CDH13: variants seen among roughly 807,000 people sequenced by gnomAD.
The protein encoded by CDH13 is cadherin-13.
In CDH13, 24 loss-of-function variants were observed where a neutral mutation model predicts 63.8. That is an observed-to-expected ratio of 0.38 (90% confidence interval 0.27 to 0.53). The LOEUF is 0.53. CDH13 is among the 20% of genes least tolerant of loss of function. The probability of loss-of-function intolerance (pLI) is 0.85; values close to 1 mark genes in which losing one functional copy is unlikely to be tolerated. For missense variants in CDH13, 1,049 were observed against 903.1 expected, an observed-to-expected ratio of 1.16 and a Z score of -2.07; for synonymous variants, 503 against 355.3, an observed-to-expected ratio of 1.42 and a Z score of -4.67.
intron 5 of CDH13, among the ~76,000 whole-genome samples, chr16:83,294,919 C>T (rs2089554470): frequency 6.6e-6 from 1 of 151,956 alleles, no homozygotes; most frequent in Admixed American, 6.6e-5. Flanking sequence ...CCATGGATAG[C>T]CAAAGTAATC....
intron 1 of CDH13, among the ~76,000 whole-genome samples, chr16:82,629,006 G>A (rs1401742175): frequency 6.6e-6 from 1 of 152,238 alleles, no homozygotes; most frequent in African/African-American, 2.4e-5. Context: ...GTGTCTGAGA[G>A]CACTTACCAT....
chr16:83,084,647 C>T (rs1024253314), intron 3 of CDH13, among the ~76,000 whole-genome samples: 6 of 152,090 alleles, frequency 3.9e-5, no homozygotes, highest in African/African-American at 9.7e-5. Context: ...CCAACACATC[C>T]GGAGGCTGAG....
chr16:83,699,150 GC>G (rs1244153080), intron 10 of CDH13, among the ~76,000 whole-genome samples: 1 of 152,198 alleles, frequency 6.6e-6, no homozygotes, highest in Non-Finnish European at 1.5e-5. Flanking sequence ...ATAAGACATG[GC>G]CCCCAAAGCA....
At chr16:82,862,315 G>T (rs954077821) in intron 2 of CDH13, among the ~76,000 whole-genome samples, 1 of 152,116 alleles carries the variant, frequency 6.6e-6, no homozygotes, top group Non-Finnish European at 1.5e-5. Context: ...AGCTGGGATG[G>T]GAAGATCCCA....
chr16:83,338,540 T>A (rs184048718), intron 5 of CDH13, among the ~76,000 whole-genome samples: 103 of 152,364 alleles, frequency 6.8e-4, no homozygotes, highest in African/African-American at 2.3e-3. Context: ...GTAAATTGAA[T>A]TATCACACCA....
intron 1 of CDH13, among the ~76,000 whole-genome samples, chr16:82,811,565 G>C (rs1026570440): frequency 1.7e-4 from 26 of 152,050 alleles, no homozygotes; most frequent in African/African-American, 6.0e-4. Context: ...TTCGTTAGAG[G>C]GTAATGAAAA....
intron 2 of CDH13, among the ~76,000 whole-genome samples, chr16:82,977,386 C>T (rs1909663300): frequency 6.6e-6 from 1 of 152,164 alleles, no homozygotes. Context: ...TTGGCTGTGT[C>T]CCCACCCAAA....
intron 1 of CDH13, among the ~76,000 whole-genome samples, chr16:82,697,011 G>T (rs2030382091): frequency 6.6e-6 from 1 of 152,150 alleles, no homozygotes; most frequent in African/African-American, 2.4e-5. Context: ...TTTCTCCTGT[G>T]TGAAATATCC....
chr16:82,959,711 G>C (rs1381962909), intron 2 of CDH13, among the ~76,000 whole-genome samples: 2 of 152,198 alleles, frequency 1.3e-5, no homozygotes, highest in South Asian at 2.1e-4. Context: ...CATAGGTTCT[G>C]TTTGCCATAT....
At position 82,991,643 on chromosome 16, in the gene CDH13, G is replaced by T. The variant is rs552785274; in HGVS notation, c.158-40367G>T. On this transcript the variant is annotated intron_variant, in intron 2 of 13. Coordinates refer to ENST00000567109, the MANE Select transcript of CDH13 (RefSeq NM_001257.5). The stretch of plus-strand genomic sequence containing the variant: ...GGTGGGTCAAATAAGTGATCAAAGG[G>T]CAAGTCATGATCTGAAAGCATGGTA... 9.2e-5 allele frequency among the ~76,000 whole-genome samples: 14 copies of T among 152,228 alleles called. No individual in the cohort carries two copies. The South Asian group carries it at 2.9e-3, about 32-fold the overall frequency.
rs56382330 is a variant in CDH13 at position 83,271,422 on chromosome 16, T to TAAAAAA, written c.636+53950_636+53955dup. 5.1e-3 allele frequency among the ~76,000 whole-genome samples: 133 copies of TAAAAAA among 26,016 alleles called. 36 individuals are homozygous for TAAAAAA. Among genetic ancestry groups the TAAAAAA allele is most frequent in the African/African-American group, 7.8e-3 (58 of 7,472 alleles). The allele number at this position is 26,016 out of a possible 152,430, so 17.1% of individuals were successfully genotyped here. A position where few individuals can be genotyped will look rare whatever the true frequency, so the allele number is the denominator to read the frequency against. On this transcript the variant is annotated intron_variant, in intron 5 of 13. Coordinates refer to ENST00000567109, the MANE Select transcript of CDH13 (RefSeq NM_001257.5). ...CTACCGCACATTGAGGCAGAGTTCA[T>TAAAAAA]AAAAAAAAAAAAAAAAAAAAAAAAA...
chr16:82,871,395 A>G (rs1460822698), intron 2 of CDH13, among the ~76,000 whole-genome samples: 4 of 152,136 alleles, frequency 2.6e-5, no homozygotes, highest in African/African-American at 9.7e-5. Flanking sequence ...ATATCAGAGG[A>G]GAGATCAACA....
chr16:83,069,179 C>T (rs1001410878), intron 3 of CDH13, among the ~76,000 whole-genome samples: 7 of 152,088 alleles, frequency 4.6e-5, no homozygotes, highest in African/African-American at 7.2e-5. Flanking sequence ...TTTGTCAATG[C>T]GCATTTTCCA....
At chr16:83,252,063 A>T (rs1160853113) in intron 5 of CDH13, among the ~76,000 whole-genome samples, 2 of 144,168 alleles carry the variant, frequency 1.4e-5, no homozygotes, top group African/African-American at 5.1e-5. Context: ...TTTTTAAATA[A>T]ATATATATAT....
intron 4 of CDH13, among the ~76,000 whole-genome samples, chr16:83,149,453 A>T (rs1284424320): frequency 6.6e-6 from 1 of 152,184 alleles, no homozygotes; most frequent in Admixed American, 6.5e-5. Flanking sequence ...AAAACTAGAG[A>T]TTCATATGGG....
intron 11 of CDH13, among the ~76,000 whole-genome samples, chr16:83,770,323 A>C (rs1914677459): frequency 6.6e-6 from 1 of 152,178 alleles, no homozygotes; most frequent in Admixed American, 6.5e-5. Context: ...GCTCTTATGG[A>C]CGGGGAAGTG....
chr16:83,012,316 T>C (rs945936106), intron 2 of CDH13, among the ~76,000 whole-genome samples: 1 of 117,530 alleles, frequency 8.5e-6, no homozygotes, highest in South Asian at 2.8e-4. Context: ...TTGGTTTCTT[T>C]CCTTTTTTTT....
chr16:83,596,687 G>A (rs1051467315), intron 7 of CDH13, among the ~76,000 whole-genome samples: 2 of 152,096 alleles, frequency 1.3e-5, no homozygotes, highest in Non-Finnish European at 2.9e-5. Flanking sequence ...TCTGAGGATC[G>A]GGAAGTAGGT....
At chr16:83,743,671 A>G (rs1374671976) in intron 10 of CDH13, among the ~76,000 whole-genome samples, 4 of 149,886 alleles carry the variant, frequency 2.7e-5, no homozygotes, top group Non-Finnish European at 4.4e-5. Context: ...CATTATTTCA[A>G]ATATGTTGAA....
Sources: gnomAD v4.1 joint callset for allele counts (sites outside exome capture counted in the v4.1 genomes callset) on GRCh38, gnomAD v4.1.1 for gene constraint, MANE v1.5 for transcripts, NCBI Gene and HGNC (gene_info 2026-07-23, HGNC 2026-07-21) for gene names.